The following TBC1D13 variants were observed in gnomAD, a reference collection of about 807,000 sequenced individuals.
TBC1D13 encodes TBC1 domain family member 13, also known as epididymis secretory sperm binding protein.
TBC1D13 carries 40 observed loss-of-function variants against 53.6 expected under a neutral mutation model. The ratio of observed to expected loss-of-function variants is 0.75; its 90% CI spans 0.58 to 0.97. The LOEUF (loss-of-function observed/expected upper bound fraction) is 0.97, where lower values mean the gene tolerates loss of function less well. Among genes scored for constraint, TBC1D13 ranks in the 50% least tolerant of loss-of-function variants. The pLI is 0.00. For synonymous variants in TBC1D13, 182 were observed against 197.7 expected (o/e 0.92, Z 0.67); for missense variants, 377 against 499.4 (o/e 0.75, Z 2.34).
chr9:128,800,857 C>T (rs1424130774), intron 7 of TBC1D13, among the ~76,000 whole-genome samples: 1 of 152,018 alleles, frequency 6.6e-6, no homozygotes, highest in Non-Finnish European at 1.5e-5. Flanking sequence ...TCGGTAGGAT[C>T]TCCTGAGAAT....
Position 128,806,318 on chromosome 9 carries a change from G to A in TBC1D13, c.1137+7G>A. 1 of 1,614,062 alleles carries A rather than the reference G, an allele frequency of 6.2e-7. No individual in the cohort carries two copies. The highest frequency in any genetic ancestry group is 8.5e-7 in the Non-Finnish European group (1 of 1,180,036). Reference sequence around the variant, plus strand: ...GAATATGCGGCTGCTGCAGGTAATGGGAGTTGGGGGCAGGCTCAGCCACTG... The same window carrying A: ...GAATATGCGGCTGCTGCAGGTAATGAGAGTTGGGGGCAGGCTCAGCCACTG... On this transcript the variant is annotated splice_region_variant and intron_variant, in intron 11 of 11. Transcript: ENST00000372648.
chr9:128,795,942 T>G (rs1829621997), intron 6 of TBC1D13, among the ~76,000 whole-genome samples: 1 of 152,018 alleles, frequency 6.6e-6, no homozygotes, highest in South Asian at 2.1e-4. Flanking sequence ...AAAAGAGGAG[T>G]TAGGTTGTAT....
At chr9:128,793,010 C>T (rs4837307) in intron 6 of TBC1D13, among the ~76,000 whole-genome samples, 151,762 of 152,358 alleles carry the variant, frequency 1, 75,588 homozygotes, top group Middle Eastern at 1. Flanking sequence ...GTAAATGCTC[C>T]TGAAGGAAAA....
At chr9:128,797,316 T>C in intron 7 of TBC1D13, 102 bp downstream of exon 7, 1 of 1,283,612 alleles carries the variant, frequency 7.8e-7, no homozygotes, top group Non-Finnish European at 1.1e-6. Flanking sequence ...GACCATCTGC[T>C]TGACAGTTAC....
Position 128,808,016 on chromosome 9 carries a change from T to TG in TBC1D13, c.*141dup, listed in dbSNP as rs1293280443. The TG allele has an allele frequency of 5.2e-6, 4 of 772,408 alleles. No individual in the cohort carries two copies. In the African/African-American group the frequency reaches 6.9e-5, roughly 13 times the overall value. The allele number at this position is 772,408 out of a possible 1,614,324, so 47.8% of individuals were successfully genotyped here. On this transcript the variant is annotated 3_prime_UTR_variant, in exon 12 of 12. Coordinates refer to ENST00000372648, the MANE Select transcript of TBC1D13 (RefSeq NM_018201.5). ...GGCCCGAGACCCAGGCCATGCCCAC[T>TG]GGGGACACACTGTGCCGTGCTCCTT... is the stretch of plus-strand genomic sequence containing the variant.
Position 128,807,915 on chromosome 9 carries a change from C to G in TBC1D13, c.*36C>G. ...AGAGGCCCATGTTCCGGAGAGAAGC[C>G]TCCCGACCCTGTGCCCTGGCTCCCG... On this transcript the variant is annotated 3_prime_UTR_variant, in exon 12 of 12. Transcript: ENST00000372648. 2.5e-6 allele frequency: 4 copies of G among 1,601,744 alleles called. No homozygotes were observed. Among genetic ancestry groups the G allele is most frequent in the Non-Finnish European group, 3.4e-6 (4 of 1,168,808 alleles).
intron 7 of TBC1D13, among the ~76,000 whole-genome samples, chr9:128,802,219 CTAATTTTTTTGTATTTTTAATAGAGACAG>C (rs1220548216): frequency 1.6e-4 from 24 of 149,614 alleles, no homozygotes; most frequent in Non-Finnish European, 1.5e-5. Flanking sequence ...CCACGCCTGG[CTAATTTTTTTGTATTTTTAATAGAGACAG>C]GGTTTCTCCA....
chr9:128,805,432 C>T (rs1487890794), intron 9 of TBC1D13, among the ~76,000 whole-genome samples: 2 of 152,076 alleles, frequency 1.3e-5, no homozygotes, highest in Non-Finnish European at 2.9e-5. Context: ...GGAATAATTG[C>T]CTGTGGAATT....
chr9:128,798,264 AAAG>A (rs1208568792), intron 7 of TBC1D13, among the ~76,000 whole-genome samples: 2 of 152,090 alleles, frequency 1.3e-5, no homozygotes, highest in South Asian at 2.1e-4. Context: ...AAAAAAAAGA[AAAG>A]AAGAGAACAT....
At chr9:128,788,267 T>C in intron 1 of TBC1D13, 67 bp from the exon 2 acceptor site, 1 of 1,429,704 alleles carries the variant, frequency 7.0e-7, no homozygotes, top group East Asian at 2.3e-5. Flanking sequence ...GTGAGGGAGC[T>C]GAGGGCTGTG....
intron 11 of TBC1D13, among the ~76,000 whole-genome samples, chr9:128,806,966 A>T (rs1406404626): frequency 6.6e-6 from 1 of 151,904 alleles, no homozygotes; most frequent in Admixed American, 6.6e-5. Flanking sequence ...CATGGGCTCA[A>T]GGGCCTACAG....
At position 128,802,237 on chromosome 9, in the gene TBC1D13, T is replaced by C. The variant is rs142098981; in HGVS notation, c.544-1013T>C. 2.8e-3 allele frequency among the ~76,000 whole-genome samples: 417 copies of C among 151,442 alleles called. 5 individuals are homozygous for C. Among genetic ancestry groups the C allele is most frequent in the African/African-American group, 9.0e-3 (375 of 41,494 alleles). On this transcript the variant is annotated intron_variant, in intron 7 of 11. Transcript: ENST00000372648. ...CGCCTGGCTAATTTTTTTGTATTTTTAATAGAGACAGGGTTTCTCCATGTT... is the reference window on the plus strand; with the variant it reads ...CGCCTGGCTAATTTTTTTGTATTTTCAATAGAGACAGGGTTTCTCCATGTT...
intron 2 of TBC1D13, among the ~76,000 whole-genome samples, chr9:128,789,332 A>AAAG (rs1829486758): frequency 6.6e-6 from 1 of 151,496 alleles, no homozygotes; most frequent in Admixed American, 6.6e-5. Flanking sequence ...AAAAAAAAAA[A>AAAG]AAAAGAACTT....
In TBC1D13 at chr9:128,788,396, T is replaced by A; in HGVS notation, c.86T>A (p.Leu29His). ...PSIALEKLRELSFSGIPCEGG... is the reference protein window; with the variant it reads ...PSIALEKLREHSFSGIPCEGG... The stretch of plus-strand genomic sequence containing the variant: ...ATTGCATTGGAAAAGCTGCGGGAAC[T>A]CAGCTTTAGTGGTAAGAAGCCATTC... Residue 29 changes from leucine to histidine, a missense_variant, in exon 2 of 12, where the codon CTC (leucine) becomes CAC (histidine). Leu to His is a moderately conservative substitution (Grantham distance 99). Coordinates refer to ENST00000372648, the MANE Select transcript of TBC1D13 (RefSeq NM_018201.5). 6.2e-7 allele frequency: 1 copy of A among 1,613,944 alleles called. No individual in the cohort carries two copies. Among genetic ancestry groups the A allele is most frequent in the Non-Finnish European group, 8.5e-7 (1 of 1,179,844 alleles).
chr9:128,807,786 G>A, intron 11 of TBC1D13, 28 bp from the exon 12 acceptor site: 1 of 1,613,256 alleles, frequency 6.2e-7, no homozygotes, highest in Non-Finnish European at 8.5e-7. Flanking sequence ...GGCTTCAGAG[G>A]CAACTGTTGG....
chr9:128,790,784 G>C lies in TBC1D13; in HGVS notation c.138+9G>C. ...GGTGCCTCTGCTGGAAGGTGGGTGTGCCTGGGGTGGGGCTTCTGCTCTGCT... is the reference window on the plus strand; with the variant it reads ...GGTGCCTCTGCTGGAAGGTGGGTGTCCCTGGGGTGGGGCTTCTGCTCTGCT... On this transcript the variant is annotated intron_variant, in intron 3 of 11. Transcript: ENST00000372648. The C allele has an allele frequency of 6.4e-7, 1 of 1,559,068 alleles. No individual in the cohort carries two copies. Among genetic ancestry groups the C allele is most frequent in the South Asian group, 1.2e-5 (1 of 83,404 alleles).
At chr9:128,792,633 C>A in intron 6 of TBC1D13, 59 bp downstream of exon 6, 1 of 1,499,422 alleles carries the variant, frequency 6.7e-7, no homozygotes, top group Non-Finnish European at 9.2e-7. Context: ...CTCTCTGCAG[C>A]TCTGTCTTTT....
At chr9:128,788,045 G>A (rs1246888005) in intron 1 of TBC1D13, among the ~76,000 whole-genome samples, 1 of 152,206 alleles carries the variant, frequency 6.6e-6, no homozygotes, top group Non-Finnish European at 1.5e-5. Context: ...TAGAATGTTG[G>A]AATATGTCTA....
intron 11 of TBC1D13, among the ~76,000 whole-genome samples, chr9:128,807,473 C>A (rs13284441): frequency 1.3e-5 from 2 of 152,034 alleles, no homozygotes; most frequent in Admixed American, 6.5e-5. Flanking sequence ...TGGGACTTCG[C>A]GCTGATGCTC....
Sources: gnomAD v4.1 joint callset for allele counts (sites outside exome capture counted in the v4.1 genomes callset) on GRCh38, gnomAD v4.1.1 for gene constraint, MANE v1.5 for transcripts, NCBI Gene and HGNC (gene_info 2026-07-23, HGNC 2026-07-21) for gene names.